ADAMTSL1: variants seen among roughly 807,000 people sequenced by gnomAD.
ADAMTSL1 encodes the protein ADAMTS like 1, also known as ADAMTS-like protein 1.
A neutral mutation model predicts 201.8 loss-of-function variants in ADAMTSL1; 126 were observed. The ratio of observed to expected loss-of-function variants is 0.62; its 90% confidence interval spans 0.54 to 0.72. The LOEUF (loss-of-function observed/expected upper bound fraction) is 0.72, where lower values mean the gene tolerates loss of function less well. Ranked by LOEUF, ADAMTSL1 falls within the 30% of genes least tolerant of loss-of-function variation. The pLI is 0.00. For missense variants in ADAMTSL1, 2,679 were observed against 2,277.8 expected, an observed-to-expected ratio of 1.18 and a Z score of -3.59; for synonymous variants, 1,121 against 903.4, an observed-to-expected ratio of 1.24 and a Z score of -4.32.
intron 4 of ADAMTSL1, among the ~76,000 whole-genome samples, chr9:18,579,995 T>C (rs1363673565): frequency 6.6e-6 from 1 of 152,162 alleles, no homozygotes; most frequent in Non-Finnish European, 1.5e-5. Flanking sequence ...TAGAGAAAAG[T>C]ATGTTTTATT....
At chr9:18,519,972 T>C (rs763182286) in intron 2 of ADAMTSL1, among the ~76,000 whole-genome samples, 1 of 152,246 alleles carries the variant, frequency 6.6e-6, no homozygotes, top group African/African-American at 2.4e-5. Flanking sequence ...TGCTTTGCTA[T>C]AGCATGTCTT....
chr9:18,598,076 G>T (rs1246309131), intron 4 of ADAMTSL1, among the ~76,000 whole-genome samples: 1 of 152,200 alleles, frequency 6.6e-6, no homozygotes, highest in Non-Finnish European at 1.5e-5. Flanking sequence ...AATCTAGGGA[G>T]AATGGCAAGC....
At chr9:18,099,339 ATATATATATATATATATTTTTT>A (rs1259067802) in intron 1 of ADAMTSL1, among the ~76,000 whole-genome samples, 1 of 44,314 alleles carries the variant, frequency 2.3e-5, no homozygotes, top group East Asian at 3.7e-4. Context: ...ATATATATAT[ATATATATATATATATATTTTTT>A]TTTTTTTTTT....
chr9:18,442,712 T>G (rs5026813), intron 2 of ADAMTSL1, among the ~76,000 whole-genome samples: 65,043 of 152,070 alleles, frequency 0.43, 14,535 homozygotes, highest in African/African-American at 0.47. Context: ...AGAAGAACCT[T>G]ACAGATTTTT....
chr9:18,606,624 C>T (rs1825030626), intron 4 of ADAMTSL1, among the ~76,000 whole-genome samples: 1 of 152,114 alleles, frequency 6.6e-6, no homozygotes, highest in Non-Finnish European at 1.5e-5. Flanking sequence ...CTGTCATTTT[C>T]TAGATAGGTG....
At chr9:17,983,853 A>G (rs1213825936) in intron 1 of ADAMTSL1, among the ~76,000 whole-genome samples, 1 of 152,178 alleles carries the variant, frequency 6.6e-6, no homozygotes, top group African/African-American at 2.4e-5. Flanking sequence ...TGTAGTGTAA[A>G]ATGTGTATAA....
At chr9:18,830,103 C>A in intron 23 of ADAMTSL1, 126 bp downstream of exon 23, 1 of 1,279,008 alleles carries the variant, frequency 7.8e-7, no homozygotes. Context: ...CACTAAATTG[C>A]CTACAGAATC....
chr9:18,243,149 A>G (rs1831132427), intron 2 of ADAMTSL1, among the ~76,000 whole-genome samples: 1 of 152,178 alleles, frequency 6.6e-6, no homozygotes, highest in Admixed American at 6.6e-5. Flanking sequence ...AGACCAGTGG[A>G]ACACAATAGA....
At chr9:18,806,706 A>G (rs1432130215) in intron 20 of ADAMTSL1, among the ~76,000 whole-genome samples, 2 of 152,228 alleles carry the variant, frequency 1.3e-5, no homozygotes, top group Non-Finnish European at 2.9e-5. Flanking sequence ...CCTGAGCCAG[A>G]GCCCAGACTA....
chr9:18,408,342 G>A lies in ADAMTSL1; in HGVS notation c.208-96487G>A, dbSNP rs1468149710. On this transcript the variant is annotated intron_variant, in intron 2 of 29. Transcript: ENST00000680146. ...AAAAATTAGGTAGGCATGGTGGTAG[G>A]CACCTGTAATCCCAGCGACTTGGGA... 2.0e-5 allele frequency among the ~76,000 whole-genome samples: 3 copies of A among 152,210 alleles called. No homozygotes were observed. In the East Asian group the frequency reaches 5.8e-4, roughly 29 times the overall value.
chr9:18,656,530 G>A (rs1828677695), intron 7 of ADAMTSL1, among the ~76,000 whole-genome samples: 1 of 149,978 alleles, frequency 6.7e-6, no homozygotes, highest in African/African-American at 2.4e-5. Context: ...TCGGGAGGCT[G>A]AGGCAGAAGA....
chr9:18,234,309 T>A (rs1830757631), intron 2 of ADAMTSL1, among the ~76,000 whole-genome samples: 1 of 152,088 alleles, frequency 6.6e-6, no homozygotes, highest in Non-Finnish European at 1.5e-5. Flanking sequence ...ATAAAATATG[T>A]TGCTTTTGAA....
At chr9:18,329,333 C>G (rs1003885973) in intron 2 of ADAMTSL1, among the ~76,000 whole-genome samples, 1 of 152,056 alleles carries the variant, frequency 6.6e-6, no homozygotes, top group Non-Finnish European at 1.5e-5. Flanking sequence ...ACACATTAGC[C>G]TAAACAGACT....
chr9:18,823,104 C>T (rs774132230), intron 21 of ADAMTSL1, among the ~76,000 whole-genome samples: 6 of 152,214 alleles, frequency 3.9e-5, no homozygotes, highest in Non-Finnish European at 8.8e-5. Context: ...CTAAGGCCCA[C>T]AGTTCCAGGC....
chr9:18,625,073 C>A (rs183557060), intron 5 of ADAMTSL1, among the ~76,000 whole-genome samples: 1 of 152,320 alleles, frequency 6.6e-6, no homozygotes, highest in Non-Finnish European at 1.5e-5. Context: ...AGGCGACCCA[C>A]TGGCAGGGAA....
At position 18,229,935 on chromosome 9, in the gene ADAMTSL1, G is replaced by C. The variant is rs1414575874; in HGVS notation, c.207+65954G>C. Among the ~76,000 whole-genome samples, 5 of 152,028 alleles carry C rather than the reference G, an allele frequency of 3.3e-5. No homozygotes were observed. In the South Asian group the frequency reaches 6.2e-4, roughly 19 times the overall value. ...TTGTCTCAAACTCCTGACCTCAAGC[G>C]ATCCACTTGCCTCAGCCTCCGTAAG... is the stretch of plus-strand genomic sequence containing the variant. On this transcript the variant is annotated intron_variant, in intron 2 of 29. Coordinates refer to the ADAMTSL1 transcript ENST00000680146.
intron 13 of ADAMTSL1, among the ~76,000 whole-genome samples, chr9:18,702,294 C>CTAGTGCTAGCCTCCATGTAGACATAG (rs1194269860): frequency 1.3e-5 from 2 of 152,204 alleles, no homozygotes; most frequent in African/African-American, 4.8e-5. Context: ...TGTAGACATA[C>CTAGTGCTAGCCTCCATGTAGACATAG]ACCTAGAGGC....
intron 2 of ADAMTSL1, among the ~76,000 whole-genome samples, chr9:18,283,626 A>AAAAG (rs1245446937): frequency 2.7e-5 from 4 of 148,744 alleles, no homozygotes; most frequent in Admixed American, 2.0e-4. Flanking sequence ...AAAAAAAAAA[A>AAAAG]AAAAGGCTGG....
At chr9:18,785,944 A>T (rs1821683904) in intron 19 of ADAMTSL1, among the ~76,000 whole-genome samples, 2 of 152,200 alleles carry the variant, frequency 1.3e-5, no homozygotes, top group African/African-American at 4.8e-5. Context: ...CATACTGCTG[A>T]TAGCACCACA....
Sources: gnomAD v4.1 joint callset for allele counts (sites outside exome capture counted in the v4.1 genomes callset) on GRCh38, gnomAD v4.1.1 for gene constraint, MANE v1.5 for transcripts, NCBI Gene and HGNC (gene_info 2026-07-23, HGNC 2026-07-21) for gene names.